PHACTR1: variants seen among roughly 807,000 people sequenced by gnomAD.
PHACTR1 encodes RPEL repeat containing 1.
Under a neutral mutation model 69.2 loss-of-function variants are expected in PHACTR1, and 16 were observed. The observed-to-expected ratio is 0.23, with a 90% CI of 0.16 to 0.35. PHACTR1 has a LOEUF of 0.35. Ranked by LOEUF, PHACTR1 falls within the 10% of genes least tolerant of loss-of-function variation. The pLI, the probability that PHACTR1 is intolerant of heterozygous loss-of-function variation, is 1.00. For synonymous variants in PHACTR1, 312 were observed against 284.5 expected (o/e 1.10, Z -0.97); for missense variants, 510 against 734.7 (o/e 0.69, Z 3.54).
At chr6:13,267,124 A>G (rs1296573133) in intron 10 of PHACTR1, 2 of 152,284 alleles carry the variant, frequency 1.3e-5, no homozygotes, top group Admixed American at 6.5e-5. Context: ...TGACTGTTTG[A>G]TTAATGGCTA....
Position 13,223,194 on chromosome 6 carries a change from T to C in PHACTR1, c.987-4622T>C, listed in dbSNP as rs182919840. 7.0e-4 allele frequency among the ~76,000 whole-genome samples: 107 copies of C among 152,224 alleles called. 1 individual carries two copies. The highest frequency in any genetic ancestry group is 2.4e-3 in the African/African-American group (100 of 41,528). ...ATTACAAAGTAAATAATAGTGTAAA[T>C]GGACTTCAAAGATGCCATACACAAA... is the stretch of plus-strand genomic sequence containing the variant. On this transcript the variant is annotated intron_variant, in intron 8 of 14. Transcript: ENST00000332995.
At chr6:13,007,525 A>G (rs561756144) in intron 4 of PHACTR1, among the ~76,000 whole-genome samples, 2 of 152,282 alleles carry the variant, frequency 1.3e-5, no homozygotes, top group African/African-American at 4.8e-5. Flanking sequence ...TTCCTTGGAT[A>G]TTAGCGATAC....
At chr6:13,079,364 C>G (rs1314335052) in intron 5 of PHACTR1, among the ~76,000 whole-genome samples, 1 of 152,164 alleles carries the variant, frequency 6.6e-6, no homozygotes, top group Non-Finnish European at 1.5e-5. Context: ...CATTCCATTT[C>G]CATGTGGGCA....
chr6:12,756,067 A>G (rs1390493438), intron 4 of PHACTR1, among the ~76,000 whole-genome samples: 1 of 152,206 alleles, frequency 6.6e-6, no homozygotes, highest in African/African-American at 2.4e-5. Context: ...ATACATTTTC[A>G]TACGTAGATT....
intron 4 of PHACTR1, among the ~76,000 whole-genome samples, chr6:12,812,076 G>A (rs932091126): frequency 2.0e-5 from 3 of 151,890 alleles, no homozygotes; most frequent in Non-Finnish European, 4.4e-5. Flanking sequence ...ACAGTGTTGT[G>A]CAGACACCAT....
In PHACTR1 at chr6:12,985,565, CAGAG is replaced by C. The variant is rs569513582; in HGVS notation, c.251-67791_251-67788del. On this transcript the variant is annotated intron_variant, in intron 4 of 14. Transcript: ENST00000332995. Reference sequence around the variant, plus strand: ...AAATATATATATATATATATATACACAGAGAGAGAGAGTCATACACACACTTACA... The same window carrying C: ...AAATATATATATATATATATATACACAGAGAGAGTCATACACACACTTACA... Among the ~76,000 whole-genome samples the C allele has an allele frequency of 2.8e-5, 4 of 142,640 alleles. No homozygotes were observed. The Admixed American group carries it at 2.8e-4, about 10-fold the overall frequency. The allele number at this position is 142,640 out of a possible 152,430, so 93.6% of individuals were successfully genotyped here.
chr6:12,740,118 G>A (rs997319048), intron 3 of PHACTR1, among the ~76,000 whole-genome samples: 2 of 152,050 alleles, frequency 1.3e-5, no homozygotes, highest in African/African-American at 4.8e-5. Context: ...TCTTTTGTTC[G>A]ACATCATATC....
chr6:13,014,425 C>G (rs1799871570), intron 4 of PHACTR1, among the ~76,000 whole-genome samples: 1 of 152,112 alleles, frequency 6.6e-6, no homozygotes, highest in South Asian at 2.1e-4. Flanking sequence ...TTTGGGAAGC[C>G]GAGGCTTAGG....
At chr6:13,003,556 A>T (rs1450538437) in intron 4 of PHACTR1, among the ~76,000 whole-genome samples, 1 of 152,104 alleles carries the variant, frequency 6.6e-6, no homozygotes, top group Non-Finnish European at 1.5e-5. Flanking sequence ...TGCATTGGAA[A>T]GATATTTTTG....
chr6:12,835,999 C>T (rs1450363414), intron 4 of PHACTR1, among the ~76,000 whole-genome samples: 2 of 152,050 alleles, frequency 1.3e-5, no homozygotes, highest in African/African-American at 4.8e-5. Context: ...TCAGTGTGCC[C>T]ACATTGTTTC....
intron 4 of PHACTR1, among the ~76,000 whole-genome samples, chr6:12,830,851 C>T (rs1223280061): frequency 2.0e-5 from 3 of 152,030 alleles, no homozygotes; most frequent in Non-Finnish European, 2.9e-5. Flanking sequence ...CCGTCTCGGC[C>T]TCCCAAAGTG....
Position 13,245,319 on chromosome 6 carries a change from C to T in PHACTR1, c.1391+15126C>T, listed in dbSNP as rs941053023. ...TAGCATGTAAGCATTCTCTTTTCCC[C>T]ACAACCTTGCCAGCATCTATTATTT... is the stretch of plus-strand genomic sequence containing the variant. On this transcript the variant is annotated intron_variant, in intron 10 of 14. Transcript: ENST00000332995. This position sits in a 1 kb window ranked among gnomAD's most constrained non-coding sequence, Gnocchi z 4.1. 1.3e-5 allele frequency among the ~76,000 whole-genome samples: 2 copies of T among 152,190 alleles called. No individual in the cohort carries two copies. Among genetic ancestry groups the T allele is most frequent in the Non-Finnish European group, 2.9e-5 (2 of 68,030 alleles).
intron 10 of PHACTR1, among the ~76,000 whole-genome samples, chr6:13,232,721 C>T (rs947241354): frequency 2.0e-5 from 3 of 152,082 alleles, no homozygotes; most frequent in Non-Finnish European, 2.9e-5. Context: ...CAATCTCTCT[C>T]AGGTTACATA....
intron 4 of PHACTR1, among the ~76,000 whole-genome samples, chr6:12,979,001 C>T (rs1046519463): frequency 6.6e-6 from 1 of 152,082 alleles, no homozygotes; most frequent in African/African-American, 2.4e-5. Flanking sequence ...GGGAGATGCC[C>T]CTAGCACTGT....
At chr6:12,957,934 G>C in intron 4 of PHACTR1, 1 of 985,376 alleles carries the variant, frequency 1.0e-6, no homozygotes, top group Non-Finnish European at 1.2e-6. Flanking sequence ...GACACTTGAG[G>C]AGACTGTTGC....
chr6:13,095,749 C>CTTTTTTTTTTTTT (rs140109520), intron 5 of PHACTR1, among the ~76,000 whole-genome samples: 4 of 77,210 alleles, frequency 5.2e-5, no homozygotes, highest in Non-Finnish European at 9.0e-5. Context: ...TTGTGAAGGG[C>CTTTTTTTTTTTTT]TTTTTTTTTT....
intron 4 of PHACTR1, 148 bp from the exon 5 acceptor site, chr6:13,053,217 T>C: frequency 4.6e-6 from 4 of 878,484 alleles, no homozygotes; most frequent in Non-Finnish European, 6.7e-6. Flanking sequence ...AACACACTGG[T>C]GTGACTTCCA....
chr6:13,066,841 C>T (rs1304081748), intron 5 of PHACTR1, among the ~76,000 whole-genome samples: 2 of 152,124 alleles, frequency 1.3e-5, no homozygotes, highest in African/African-American at 2.4e-5. Context: ...CCCCTAAAAG[C>T]ACAAAATAAG....
At chr6:13,085,355 T>A (rs1271315785) in intron 5 of PHACTR1, among the ~76,000 whole-genome samples, 1 of 152,068 alleles carries the variant, frequency 6.6e-6, no homozygotes, top group African/African-American at 2.4e-5. Context: ...AAAATTCAAA[T>A]ATCTCCTGTT....
Sources: gnomAD v4.1 joint callset for allele counts (sites outside exome capture counted in the v4.1 genomes callset) on GRCh38, gnomAD v4.1.1 for gene constraint, Gnocchi (gnomAD v3.1) non-coding constraint, MANE v1.5 for transcripts, NCBI Gene and HGNC (gene_info 2026-07-23, HGNC 2026-07-21) for gene names.